Variants in USP3 observed in about 807,000 individuals in gnomAD.
USP3 encodes the protein ubiquitin carboxyl-terminal hydrolase 3.
USP3 carries 20 observed loss-of-function variants against 72.3 expected under a neutral mutation model. The ratio of observed to expected loss-of-function variants is 0.28; its 90% CI spans 0.19 to 0.40. The LOEUF is 0.40. USP3 is among the 10% of genes least tolerant of loss of function. USP3 has a pLI of 1.00. For missense variants in USP3, 479 were observed against 633.9 expected, an observed-to-expected ratio of 0.76 and a Z score of 2.62; for synonymous variants, 222 against 225.3, an observed-to-expected ratio of 0.99 and a Z score of 0.13.
At chr15:63,565,745 A>C (rs1371700292) in intron 8 of USP3, among the ~76,000 whole-genome samples, 2 of 152,158 alleles carry the variant, frequency 1.3e-5, no homozygotes, top group East Asian at 3.8e-4. Context: ...ACCATTTTAC[A>C]GTTGTATCAT....
At chr15:63,524,662 C>A (rs960595305) in intron 1 of USP3, among the ~76,000 whole-genome samples, 1 of 152,114 alleles carries the variant, frequency 6.6e-6, no homozygotes, top group Non-Finnish European at 1.5e-5. Flanking sequence ...GTCTCTCTGT[C>A]CCCCAGTGGT....
At chr15:63,583,339 G>A (rs56171398) in intron 11 of USP3, among the ~76,000 whole-genome samples, 1,705 of 152,214 alleles carry the variant, frequency 0.011, 28 homozygotes, top group African/African-American at 0.039. Context: ...GCTAGGCACA[G>A]TGTGGCTCAT....
chr15:63,556,678 C>T lies in USP3; in HGVS notation c.380C>T (p.Thr127Ile), dbSNP rs2066514339. ...HLQNLENSAF[T>I]ADRHKKRKLL... ...TTGTGTTTTAATAGCTCAGCTTTCACAGCTGACAGGCATAAGAAAAGAAAA... is the reference window on the plus strand; with the variant it reads ...TTGTGTTTTAATAGCTCAGCTTTCATAGCTGACAGGCATAAGAAAAGAAAA... The change falls in exon 5 of 15, where the codon ACA becomes ATA. Residue 127 changes from threonine (T) to isoleucine (I), a missense_variant. Coordinates refer to ENST00000380324, the MANE Select transcript of USP3 (RefSeq NM_006537.4). 4 of 1,606,710 alleles carry T rather than the reference C, an allele frequency of 2.5e-6. No homozygotes were observed. Among genetic ancestry groups the T allele is most frequent in the Admixed American group, 1.7e-5 (1 of 58,730 alleles).
chr15:63,560,014 C>G (rs766565546), intron 7 of USP3, 44 bp downstream of exon 7: 5 of 1,537,206 alleles, frequency 3.3e-6, no homozygotes, highest in Admixed American at 1.9e-5. Context: ...AGTTACAAAA[C>G]AAATTACTTT....
In USP3 at chr15:63,542,098, T is replaced by C. The variant is rs541965016; in HGVS notation, c.284+4942T>C. On this transcript the variant is annotated intron_variant, in intron 3 of 14. Transcript: ENST00000380324. ...GCTTTGGGAATATTTTCTTAGTTCTTCAAGGACATGATGTGGAAGTCATGA... is the reference window on the plus strand; with the variant it reads ...GCTTTGGGAATATTTTCTTAGTTCTCCAAGGACATGATGTGGAAGTCATGA... 11 of 985,204 alleles carry C rather than the reference T, an allele frequency of 1.1e-5. No individual in the cohort carries two copies. In the South Asian group the frequency reaches 5.2e-4, roughly 46 times the overall value. 61.0% of individuals were successfully genotyped at this position (985,204 alleles called of 1,614,324 possible). A position where few individuals can be genotyped will look rare whatever the true frequency, so the allele number is the denominator to read the frequency against.
rs2067121613 is a variant in USP3, at chr15:63,588,580, T to C, written c.1216-122T>C. On this transcript the variant is annotated intron_variant, in intron 12 of 14. Coordinates refer to ENST00000380324, the MANE Select transcript of USP3 (RefSeq NM_006537.4). This position sits in a 1 kb window ranked among gnomAD's most constrained non-coding sequence, Gnocchi z 4.6. ...CCTTACAGAATGAATGCATAAGGTA[T>C]GCATGGAAGAATGATTGATAGGGCA... 1.1e-6 allele frequency: 1 copy of C among 929,722 alleles called. No homozygotes were observed. Among genetic ancestry groups the C allele is most frequent in the Non-Finnish European group, 1.7e-6 (1 of 592,568 alleles). 57.6% of individuals were successfully genotyped at this position (929,722 alleles called of 1,614,324 possible).
At chr15:63,547,794 GAGAGAGGCAT>G (rs1250148662) in intron 3 of USP3, among the ~76,000 whole-genome samples, 22 of 108,262 alleles carry the variant, frequency 2.0e-4, no homozygotes, top group East Asian at 1.5e-3. Context: ...GAGAGAGAGA[GAGAGAGGCAT>G]AGAGAGAGGC....
At chr15:63,578,607 G>A (rs1407149195) in intron 11 of USP3, among the ~76,000 whole-genome samples, 4 of 132,056 alleles carry the variant, frequency 3.0e-5, no homozygotes, top group Non-Finnish European at 4.7e-5. Context: ...GCAAGACTCC[G>A]TCTCAGAAAA....
At chr15:63,523,804 A>G (rs776776668) in intron 1 of USP3, among the ~76,000 whole-genome samples, 1 of 152,236 alleles carries the variant, frequency 6.6e-6, no homozygotes, top group Non-Finnish European at 1.5e-5. Context: ...CAGAATGAGT[A>G]ATGTTCTCAA....
intron 11 of USP3, chr15:63,586,719 C>A (rs1309283902): frequency 6.6e-6 from 1 of 152,176 alleles, no homozygotes; most frequent in Non-Finnish European, 1.5e-5. Context: ...TACATCCTTT[C>A]CCAGGAACCA....
rs371105464 is a variant in USP3, at chr15:63,506,904, T to C, written c.91+2074T>C. Among the ~76,000 whole-genome samples, 9 of 152,226 alleles carry C rather than the reference T, an allele frequency of 5.9e-5. No individual in the cohort carries two copies. In the East Asian group the frequency reaches 7.7e-4, roughly 13 times the overall value. The stretch of plus-strand genomic sequence containing the variant: ...CACACTCTGAATTGAACCCATTTTA[T>C]GTAGGCCTCCCGTCTTAACCCGTTG... On this transcript the variant is annotated intron_variant, in intron 1 of 14. Transcript: ENST00000380324.
At chr15:63,541,973 G>T (rs2066252082) in intron 3 of USP3, 3 of 812,396 alleles carry the variant, frequency 3.7e-6, no homozygotes, top group Non-Finnish European at 4.5e-6. Context: ...AGATAGCTTT[G>T]TTGCCAGTAA....
intron 7 of USP3, among the ~76,000 whole-genome samples, chr15:63,561,240 G>A (rs1021758268): frequency 4.6e-5 from 7 of 152,192 alleles, no homozygotes; most frequent in Non-Finnish European, 1.0e-4. Context: ...TGAGTTAAGA[G>A]AAGAGTTAGT....
chr15:63,518,647 G>A (rs1213029196), intron 1 of USP3, among the ~76,000 whole-genome samples: 4 of 152,072 alleles, frequency 2.6e-5, no homozygotes, highest in East Asian at 1.9e-4. Context: ...TTTGCCAGTC[G>A]TTCACATTTT....
chr15:63,581,080 A>G (rs930150484), intron 11 of USP3, among the ~76,000 whole-genome samples: 3 of 152,104 alleles, frequency 2.0e-5, no homozygotes, highest in Non-Finnish European at 4.4e-5. Flanking sequence ...TGCTGGGATG[A>G]CAGGCGTGAG....
rs368047877 is a variant in USP3, at chr15:63,571,391, A to G, written c.908+812A>G. 2.3e-4 allele frequency among the ~76,000 whole-genome samples: 35 copies of G among 152,336 alleles called. No individual in the cohort carries two copies. In the East Asian group the frequency reaches 3.3e-3, roughly 14 times the overall value. On this transcript the variant is annotated intron_variant, in intron 9 of 14. Coordinates refer to ENST00000380324, the MANE Select transcript of USP3 (RefSeq NM_006537.4). ...GACTACTTCTTTTTAATGGCAAAAC[A>G]GGCTTATAGCTAACCAAGCAGTGTT... is the stretch of plus-strand genomic sequence containing the variant.
intron 3 of USP3, among the ~76,000 whole-genome samples, chr15:63,537,380 T>G (rs2066173944): frequency 6.6e-6 from 1 of 152,276 alleles, no homozygotes; most frequent in African/African-American, 2.4e-5. Flanking sequence ...CTCTCCCACC[T>G]CCCGTTCCTC....
chr15:63,504,891 C>T, intron 1 of USP3, 61 bp downstream of exon 1: 4 of 1,358,726 alleles, frequency 2.9e-6, no homozygotes, highest in South Asian at 1.5e-5. Context: ...GCCGGGCCTG[C>T]CGTCTAGGGG....
chr15:63,589,253 T>C (rs1339878695), intron 14 of USP3, among the ~76,000 whole-genome samples: 1 of 152,210 alleles, frequency 6.6e-6, no homozygotes, highest in African/African-American at 2.4e-5. Flanking sequence ...GACCCAGTCT[T>C]TATTTGTCCA....
Sources: allele counts gnomAD v4.1 joint callset (sites outside exome capture counted in the v4.1 genomes callset), GRCh38; gene constraint gnomAD v4.1.1; non-coding constraint Gnocchi (gnomAD v3.1); transcripts MANE v1.5; gene names NCBI Gene and HGNC (gene_info 2026-07-23, HGNC 2026-07-21).